VEZT: variants seen among roughly 807,000 people sequenced by gnomAD.
The protein encoded by VEZT is vezatin, adherens junctions transmembrane protein.
VEZT carries 39 observed loss-of-function variants against 79.9 expected under a neutral mutation model. The ratio of observed to expected loss-of-function variants is 0.49; its 90% CI spans 0.38 to 0.64. VEZT has a LOEUF of 0.64. Among genes scored for constraint, VEZT ranks in the 30% least tolerant of loss-of-function variants. VEZT has a pLI of 0.00. For synonymous variants in VEZT, 325 were observed against 327.6 expected (o/e 0.99, Z 0.09); for missense variants, 837 against 893.1 (o/e 0.94, Z 0.80).
At chr12:95,255,259 A>C (rs1390207675) in intron 2 of VEZT, among the ~76,000 whole-genome samples, 3 of 152,070 alleles carry the variant, frequency 2.0e-5, no homozygotes, top group Non-Finnish European at 2.9e-5. Context: ...ATAGTCCCAA[A>C]TCACCACCCT....
intron 1 of VEZT, among the ~76,000 whole-genome samples, chr12:95,246,203 A>T (rs904268653): frequency 3.6e-4 from 54 of 151,134 alleles, no homozygotes; most frequent in African/African-American, 1.3e-3. Flanking sequence ...GCTCACTGCG[A>T]CCTCCACCTC....
chr12:95,263,158 C>G, intron 4 of VEZT, 77 bp downstream of exon 4: 1 of 1,301,234 alleles, frequency 7.7e-7, no homozygotes, highest in East Asian at 2.4e-5. Flanking sequence ...ATTGTGCTCT[C>G]CATTGTAAAG....
intron 5 of VEZT, among the ~76,000 whole-genome samples, chr12:95,269,133 A>G (rs543648321): frequency 7.9e-5 from 12 of 152,350 alleles, no homozygotes; most frequent in South Asian, 4.1e-4. Flanking sequence ...GTGTTATAGT[A>G]TAAGCAATTT....
At chr12:95,244,258 G>C (rs1324915359) in intron 1 of VEZT, among the ~76,000 whole-genome samples, 1 of 151,852 alleles carries the variant, frequency 6.6e-6, no homozygotes, top group Non-Finnish European at 1.5e-5. Flanking sequence ...GGACATAATG[G>C]CACATACCTG....
At chr12:95,261,251 A>G (rs564773645) in intron 3 of VEZT, among the ~76,000 whole-genome samples, 20 of 152,044 alleles carry the variant, frequency 1.3e-4, no homozygotes, top group Admixed American at 9.8e-4. Context: ...TGGTGTGGGG[A>G]TGATTAAATT....
At chr12:95,256,482 T>A in intron 2 of VEZT, 1 of 830,556 alleles carries the variant, frequency 1.2e-6, no homozygotes, top group South Asian at 1.7e-5. Flanking sequence ...TATTGTCTCT[T>A]CTTCTATACT....
intron 7 of VEZT, among the ~76,000 whole-genome samples, chr12:95,277,620 T>C (rs1264389418): frequency 2.6e-5 from 4 of 152,226 alleles, no homozygotes; most frequent in Admixed American, 2.0e-4. Flanking sequence ...ATTTAAGAGA[T>C]TCTTAATGTG....
chr12:95,282,425 C>T lies in VEZT; in HGVS notation c.1109C>T (p.Pro370Leu), dbSNP rs554976149. Residue 370 changes from proline (P) to leucine (L), a missense_variant, in exon 8 of 12, where the codon CCT (proline) becomes CTT (leucine). Pro to Leu is a moderately conservative substitution (Grantham distance 98). Transcript: ENST00000436874. ...PGPLLTPALL[P>L]HRILSDVTQG... ...CCCTTACTTACTCCAGCACTTCTGC[C>T]TCATCGTATCTTATCTGATGTGACT... 1.9e-6 allele frequency: 3 copies of T among 1,613,984 alleles called. No individual in the cohort carries two copies. The South Asian group carries it at 3.3e-5, about 18-fold the overall frequency.
chr12:95,302,748 G>A lies in VEZT; in HGVS notation c.*2075G>A, dbSNP rs2075342378. 6.6e-6 allele frequency: 1 copy of A among 152,090 alleles called. No individual in the cohort carries two copies. Among genetic ancestry groups the A allele is most frequent in the African/African-American group, 2.4e-5 (1 of 41,410 alleles). The allele number at this position is 152,090 out of a possible 1,614,324, so 9.4% of individuals were successfully genotyped here. On this transcript the variant is annotated 3_prime_UTR_variant, in exon 12 of 12. Coordinates refer to ENST00000436874, the MANE Select transcript of VEZT (RefSeq NM_017599.4). ...GATTCTTAGTTGGTCTTTTTGGAAT[G>A]AGCCATAGGTAATGTTTATGTCCAA...
chr12:95,271,589 A>C (rs112398454), intron 6 of VEZT, among the ~76,000 whole-genome samples: 2 of 152,216 alleles, frequency 1.3e-5, no homozygotes, highest in South Asian at 4.1e-4. Flanking sequence ...AGAAATAGAG[A>C]TATGACAGTG....
intron 1 of VEZT, among the ~76,000 whole-genome samples, chr12:95,219,969 G>C (rs999097915): frequency 6.6e-6 from 1 of 151,986 alleles, no homozygotes; most frequent in African/African-American, 2.4e-5. Flanking sequence ...ATTGACTTGC[G>C]TGAGTTCTTC....
chr12:95,282,751 T>A, intron 8 of VEZT, 107 bp downstream of exon 8: 1 of 859,674 alleles, frequency 1.2e-6, no homozygotes, highest in Non-Finnish European at 1.7e-6. Context: ...GAAACAAAAC[T>A]GAGGCATGAG....
chr12:95,296,862 C>G (rs892029083), intron 11 of VEZT: 2 of 152,282 alleles, frequency 1.3e-5, no homozygotes, highest in African/African-American at 4.8e-5. Context: ...ATCACTTGAA[C>G]CCGGGAGGCG....
intron 5 of VEZT, among the ~76,000 whole-genome samples, chr12:95,269,223 C>T (rs969342254): frequency 8.5e-5 from 13 of 152,134 alleles, no homozygotes; most frequent in Admixed American, 2.6e-4. Flanking sequence ...CAGGTATTTA[C>T]TCATATATAC....
intron 1 of VEZT, among the ~76,000 whole-genome samples, chr12:95,244,251 C>A (rs2061435760): frequency 6.6e-6 from 1 of 151,758 alleles, no homozygotes; most frequent in Non-Finnish European, 1.5e-5. Flanking sequence ...ATTAGCCGGA[C>A]ATAATGGCAC....
At chr12:95,288,265 A>G (rs966503481) in intron 9 of VEZT, among the ~76,000 whole-genome samples, 7 of 152,154 alleles carry the variant, frequency 4.6e-5, no homozygotes, top group African/African-American at 1.7e-4. Flanking sequence ...TTCAAAAATA[A>G]TATACAAATG....
chr12:95,247,497 A>G (rs906929832), intron 1 of VEZT, among the ~76,000 whole-genome samples: 6 of 151,040 alleles, frequency 4.0e-5, no homozygotes, highest in Non-Finnish European at 5.9e-5. Flanking sequence ...GAATTTTTTC[A>G]TTAACATATG....
chr12:95,229,118 T>C (rs575149651), intron 1 of VEZT, among the ~76,000 whole-genome samples: 2 of 152,374 alleles, frequency 1.3e-5, no homozygotes, highest in East Asian at 1.9e-4. Flanking sequence ...CTGCTTTTTT[T>C]TCTGCTTATG....
intron 6 of VEZT, among the ~76,000 whole-genome samples, chr12:95,273,292 T>G (rs894531558): frequency 1.3e-5 from 2 of 152,240 alleles, no homozygotes; most frequent in African/African-American, 4.8e-5. Context: ...CTTCAATTTG[T>G]GCATAAAAGG....
Sources: allele counts gnomAD v4.1 joint callset (sites outside exome capture counted in the v4.1 genomes callset), GRCh38; gene constraint gnomAD v4.1.1; transcripts MANE v1.5; gene names NCBI Gene and HGNC (gene_info 2026-07-23, HGNC 2026-07-21).